Variants in HHIP observed in about 807,000 individuals in gnomAD.
The protein encoded by HHIP is hedgehog-interacting protein.
Under a neutral mutation model 74.0 loss-of-function variants are expected in HHIP, and 12 were observed. The observed-to-expected ratio is 0.16, with a 90% CI of 0.10 to 0.26. The LOEUF (loss-of-function observed/expected upper bound fraction) is 0.26. Ranked by LOEUF, HHIP falls within the 10% of genes least tolerant of loss-of-function variation. The pLI, the probability that HHIP is intolerant of heterozygous loss-of-function variation, is 1.00. For missense variants in HHIP, 788 were observed against 845.0 expected, an observed-to-expected ratio of 0.93 and a Z score of 0.84; for synonymous variants, 309 against 311.6, an observed-to-expected ratio of 0.99 and a Z score of 0.09.
At position 144,741,566 on chromosome 4, in the gene HHIP, G is replaced by A. The variant is rs1044999353; in HGVS notation, c.*3609G>A. On this transcript the variant is annotated 3_prime_UTR_variant, in exon 13 of 13. Coordinates refer to ENST00000296575, the MANE Select transcript of HHIP (RefSeq NM_022475.3). The stretch of plus-strand genomic sequence containing the variant: ...GGCTAATTTTTTTGTGTTTTTAGTA[G>A]AGACAGGGTTTCACCATGTTGGCCA... 1 of 151,824 alleles carries A rather than the reference G, an allele frequency of 6.6e-6. No individual in the cohort carries two copies. Among genetic ancestry groups the A allele is most frequent in the Non-Finnish European group, 1.5e-5 (1 of 68,022 alleles). The allele number at this position is 151,824 out of a possible 1,614,324, so 9.4% of individuals were successfully genotyped here. A position where few individuals can be genotyped will look rare whatever the true frequency, so the allele number is the denominator to read the frequency against.
intron 4 of HHIP, among the ~76,000 whole-genome samples, chr4:144,673,464 T>C (rs1158296984): frequency 6.6e-6 from 1 of 152,190 alleles, no homozygotes; most frequent in Non-Finnish European, 1.5e-5. Flanking sequence ...TTGTAATTGC[T>C]AATTCATGAA....
rs868258712 is a variant in HHIP, at chr4:144,742,098, T to G, written c.*4141T>G. The G allele has an allele frequency of 1.3e-5, 2 of 151,956 alleles. No individual in the cohort carries two copies. Among genetic ancestry groups the G allele is most frequent in the Non-Finnish European group, 2.9e-5 (2 of 67,966 alleles). The allele number at this position is 151,956 out of a possible 1,614,324, so 9.4% of individuals were successfully genotyped here. The stretch of plus-strand genomic sequence containing the variant: ...ACACATACATACATACATACATATA[T>G]TCTTTTTCCTTTTAACCACTTCCCT... On this transcript the variant is annotated 3_prime_UTR_variant, in exon 13 of 13. Transcript: ENST00000296575.
chr4:144,716,432 G>T (rs533674592), intron 10 of HHIP, among the ~76,000 whole-genome samples: 1 of 152,118 alleles, frequency 6.6e-6, no homozygotes, highest in Non-Finnish European at 1.5e-5. Flanking sequence ...AGCACTGAAA[G>T]CAATTTAAAA....
At chr4:144,686,714 A>T (rs568729616) in intron 4 of HHIP, among the ~76,000 whole-genome samples, 1 of 152,146 alleles carries the variant, frequency 6.6e-6, no homozygotes, top group Non-Finnish European at 1.5e-5. Flanking sequence ...AAAGATTATT[A>T]AAGACCTACA....
In HHIP at chr4:144,668,207, C is replaced by T. The variant is rs1161229373; in HGVS notation, c.831+8369C>T. ...TGGCAGATGCCTATAATCCCAGCTA[C>T]TTGGGAAGCTGAGGCAGGAGAATCA... On this transcript the variant is annotated intron_variant, in intron 4 of 12. Transcript: ENST00000296575. Among the ~76,000 whole-genome samples, 3 of 151,880 alleles carry T rather than the reference C, an allele frequency of 2.0e-5. No homozygotes were observed. In the East Asian group the frequency reaches 5.8e-4, roughly 29 times the overall value.
chr4:144,707,602 T>G (rs192829523), intron 6 of HHIP, among the ~76,000 whole-genome samples: 1 of 141,596 alleles, frequency 7.1e-6, no homozygotes, highest in African/African-American at 2.7e-5. Context: ...CTGGGAGATA[T>G]AGAATACATA....
At chr4:144,678,900 T>C (rs751188997) in intron 4 of HHIP, among the ~76,000 whole-genome samples, 26 of 152,132 alleles carry the variant, frequency 1.7e-4, no homozygotes, top group Non-Finnish European at 2.9e-4. Context: ...GGGTTTATAA[T>C]GGGATTGCTG....
intron 11 of HHIP, among the ~76,000 whole-genome samples, chr4:144,724,311 C>T (rs1730731444): frequency 6.6e-6 from 1 of 151,980 alleles, no homozygotes; most frequent in African/African-American, 2.4e-5. Flanking sequence ...TTTGTGTGAC[C>T]ATGTTATTTT....
At chr4:144,711,455 C>T (rs1730300986) in intron 7 of HHIP, among the ~76,000 whole-genome samples, 1 of 152,068 alleles carries the variant, frequency 6.6e-6, no homozygotes, top group Non-Finnish European at 1.5e-5. Flanking sequence ...AGCCCGTATG[C>T]GTTAGGTATT....
intron 4 of HHIP, among the ~76,000 whole-genome samples, chr4:144,664,512 T>C (rs1341309894): frequency 6.6e-6 from 1 of 152,248 alleles, no homozygotes; most frequent in Admixed American, 6.5e-5. Context: ...ACTTGCAATC[T>C]TAAGGCAACC....
intron 4 of HHIP, among the ~76,000 whole-genome samples, chr4:144,690,880 T>C (rs971150650): frequency 2.6e-5 from 4 of 152,164 alleles, no homozygotes; most frequent in Admixed American, 2.6e-4. Context: ...TCCTTCATGC[T>C]GTCCATGATT....
In HHIP at chr4:144,710,416, G is replaced by A. The variant is rs149899782; in HGVS notation, c.1302-1534G>A. On this transcript the variant is annotated intron_variant, in intron 7 of 12. Coordinates refer to ENST00000296575, the MANE Select transcript of HHIP (RefSeq NM_022475.3). ...AACTAACCCATCTTTGGCAGGTCAC[G>A]CTTATGGTTTCCCTATCATGAATGA... 2.1e-3 allele frequency among the ~76,000 whole-genome samples: 317 copies of A among 152,258 alleles called. 2 individuals carry two copies. Among genetic ancestry groups the A allele is most frequent in the African/African-American group, 6.9e-3 (288 of 41,572 alleles).
intron 1 of HHIP, among the ~76,000 whole-genome samples, chr4:144,650,279 C>T (rs577016185): frequency 4.6e-5 from 7 of 152,172 alleles, no homozygotes; most frequent in Non-Finnish European, 8.8e-5. Context: ...AAAGGATGAC[C>T]TGCCAGATGT....
intron 2 of HHIP, among the ~76,000 whole-genome samples, chr4:144,656,419 C>A (rs1248277264): frequency 6.6e-6 from 1 of 152,080 alleles, no homozygotes; most frequent in African/African-American, 2.4e-5. Flanking sequence ...TTAGATATTC[C>A]GTTTGAAAAT....
At chr4:144,730,885 C>A (rs1486338612) in intron 11 of HHIP, among the ~76,000 whole-genome samples, 1 of 152,064 alleles carries the variant, frequency 6.6e-6, no homozygotes, top group African/African-American at 2.4e-5. Flanking sequence ...TCAGACGTTA[C>A]CAAATATTAG....
Position 144,689,928 on chromosome 4 carries a change from C to A in HHIP, c.832-16603C>A, listed in dbSNP as rs530923044. Among the ~76,000 whole-genome samples the A allele has an allele frequency of 3.3e-5, 5 of 152,260 alleles. No homozygotes were observed. The East Asian group carries it at 9.7e-4, about 30-fold the overall frequency. The stretch of plus-strand genomic sequence containing the variant: ...GCTTTAAGCAATTCTCCTGCCTCAG[C>A]CTCCCAAGTAGCTGGGATTACAGGC... On this transcript the variant is annotated intron_variant, in intron 4 of 12. Coordinates refer to ENST00000296575, the MANE Select transcript of HHIP (RefSeq NM_022475.3).
intron 4 of HHIP, among the ~76,000 whole-genome samples, chr4:144,674,976 C>T (rs866745732): frequency 6.6e-6 from 1 of 152,134 alleles, no homozygotes. Context: ...GTTTCTAATT[C>T]TAAATTTCTG....
At chr4:144,657,653 A>G (rs904026390) in intron 2 of HHIP, among the ~76,000 whole-genome samples, 1 of 152,174 alleles carries the variant, frequency 6.6e-6, no homozygotes, top group Non-Finnish European at 1.5e-5. Context: ...ATTTCCTTTC[A>G]TATTCAAAGA....
At chr4:144,688,181 C>T (rs1438808917) in intron 4 of HHIP, among the ~76,000 whole-genome samples, 4 of 152,088 alleles carry the variant, frequency 2.6e-5, no homozygotes, top group Non-Finnish European at 5.9e-5. Context: ...AATAAACTAA[C>T]ACTAAGTCAA....
Sources: allele counts gnomAD v4.1 joint callset (sites outside exome capture counted in the v4.1 genomes callset), GRCh38; gene constraint gnomAD v4.1.1; transcripts MANE v1.5; gene names NCBI Gene and HGNC (gene_info 2026-07-23, HGNC 2026-07-21).